The following PTPRD variants were observed in gnomAD, a reference collection of about 807,000 sequenced individuals.
PTPRD encodes the protein protein tyrosine phosphatase receptor type D, also known as receptor-type tyrosine-protein phosphatase delta.
Under a neutral mutation model 214.5 loss-of-function variants are expected in PTPRD, and 34 were observed. That is an observed-to-expected ratio of 0.16 (90% CI 0.12 to 0.21). PTPRD has a LOEUF of 0.21. Ranked by LOEUF, PTPRD falls within the 10% of genes least tolerant of loss-of-function variation. PTPRD has a pLI of 1.00. For synonymous variants in PTPRD, 1,128 were observed against 845.7 expected (o/e 1.33, Z -5.79); for missense variants, 2,545 against 2,398.7 (o/e 1.06, Z -1.27).
At chr9:10,207,823 G>C (rs532519) in intron 3 of PTPRD, among the ~76,000 whole-genome samples, 22,185 of 151,676 alleles carry the variant, frequency 0.15, 1,960 homozygotes, top group East Asian at 0.42. Context: ...CTATTAAAAA[G>C]TGTTATATCT....
chr9:10,056,379 A>G (rs1379337175), intron 3 of PTPRD, among the ~76,000 whole-genome samples: 1 of 151,904 alleles, frequency 6.6e-6, no homozygotes. Flanking sequence ...ACCTTTCTTC[A>G]GGTGCAAAAA....
intron 3 of PTPRD, among the ~76,000 whole-genome samples, chr9:10,133,624 A>C (rs1368552469): frequency 6.6e-6 from 1 of 152,134 alleles, no homozygotes; most frequent in Admixed American, 6.5e-5. Flanking sequence ...TATGAAATAT[A>C]ACTATAAGTC....
intron 16 of PTPRD, 71 bp downstream of exon 16, chr9:8,527,274 T>C: frequency 8.9e-7 from 1 of 1,124,994 alleles, no homozygotes; most frequent in South Asian, 1.5e-5. Context: ...TGCATTTTAT[T>C]AATAATAATA....
chr9:9,665,697 T>A (rs1209641533), intron 7 of PTPRD, among the ~76,000 whole-genome samples: 3 of 151,818 alleles, frequency 2.0e-5, no homozygotes, highest in African/African-American at 7.2e-5. Context: ...TATTTGAATT[T>A]ATTTATATCC....
At chr9:10,319,756 A>G (rs2096519427) in intron 3 of PTPRD, among the ~76,000 whole-genome samples, 1 of 152,026 alleles carries the variant, frequency 6.6e-6, no homozygotes, top group Admixed American at 6.6e-5. Flanking sequence ...AATTTATAGC[A>G]ATAAAGAGTA....
intron 20 of PTPRD, among the ~76,000 whole-genome samples, chr9:8,520,268 C>G (rs1272086233): frequency 6.6e-6 from 1 of 152,082 alleles, no homozygotes; most frequent in Non-Finnish European, 1.5e-5. Context: ...CACAATATAA[C>G]ATTATTTCAC....
intron 30 of PTPRD, among the ~76,000 whole-genome samples, chr9:8,480,945 C>G (rs1388741187): frequency 6.6e-6 from 1 of 151,908 alleles, no homozygotes; most frequent in Non-Finnish European, 1.5e-5. Flanking sequence ...CGAGACCAAC[C>G]TGGCTAACAT....
intron 4 of PTPRD, among the ~76,000 whole-genome samples, chr9:9,951,231 A>C (rs889840520): frequency 2.0e-5 from 3 of 151,860 alleles, no homozygotes; most frequent in African/African-American, 7.2e-5. Context: ...AAAAGTGATA[A>C]GTCTTGGGGC....
chr9:10,361,106 A>AAAAC (rs2097379285), intron 2 of PTPRD, among the ~76,000 whole-genome samples: 1 of 152,182 alleles, frequency 6.6e-6, no homozygotes. Flanking sequence ...TCTCAAAAAC[A>AAAAC]AAACAAACAA....
chr9:9,403,862 G>A (rs1485923045), intron 8 of PTPRD, among the ~76,000 whole-genome samples: 2 of 152,022 alleles, frequency 1.3e-5, no homozygotes, highest in East Asian at 1.9e-4. Context: ...AACAAATAAA[G>A]GAATAAGATA....
At chr9:9,702,060 C>A (rs1017392180) in intron 7 of PTPRD, among the ~76,000 whole-genome samples, 2 of 151,986 alleles carry the variant, frequency 1.3e-5, no homozygotes, top group Admixed American at 6.6e-5. Context: ...GCAGAGGTTG[C>A]AGTGAGCCGA....
chr9:10,054,970 C>T (rs559149651), intron 3 of PTPRD, among the ~76,000 whole-genome samples: 3 of 151,470 alleles, frequency 2.0e-5, no homozygotes, highest in African/African-American at 2.4e-5. Flanking sequence ...TCATGGGATT[C>T]GTGTCCATAT....
chr9:9,099,675 T>C (rs2099788611), intron 10 of PTPRD, among the ~76,000 whole-genome samples: 1 of 152,184 alleles, frequency 6.6e-6, no homozygotes, highest in Non-Finnish European at 1.5e-5. Flanking sequence ...TATTCCATAC[T>C]AGGAAACTAC....
chr9:8,315,542 C>G lies in PTPRD; in HGVS notation c.*2332G>C, dbSNP rs761807121. 5.6e-5 allele frequency: 13 copies of G among 231,470 alleles called. No homozygotes were observed. The highest frequency in any genetic ancestry group is 1.1e-4 in the Non-Finnish European group (13 of 116,610). 14.3% of individuals were successfully genotyped at this position (231,470 alleles called of 1,614,324 possible). A position where few individuals can be genotyped will look rare whatever the true frequency, so the allele number is the denominator to read the frequency against. Reference sequence around the variant, plus strand: ...ACAAACTAAAAGAAAATAATGATAACAGACCCACATAGTGCACATTCTTCT... The same window carrying G: ...ACAAACTAAAAGAAAATAATGATAAGAGACCCACATAGTGCACATTCTTCT... On this transcript the variant is annotated 3_prime_UTR_variant, in exon 46 of 46. Coordinates refer to ENST00000381196, the MANE Select transcript of PTPRD (RefSeq NM_002839.4).
At chr9:10,124,557 C>G (rs1357202741) in intron 3 of PTPRD, among the ~76,000 whole-genome samples, 3 of 152,128 alleles carry the variant, frequency 2.0e-5, no homozygotes, top group African/African-American at 7.2e-5. Context: ...TAGGTCTTAG[C>G]CCTTCCTTAG....
chr9:8,634,665 A>C (rs1273255810), intron 13 of PTPRD, among the ~76,000 whole-genome samples: 1 of 152,044 alleles, frequency 6.6e-6, no homozygotes, highest in Non-Finnish European at 1.5e-5. Flanking sequence ...GAAAAGTTTC[A>C]TAGTTTCATA....
chr9:10,060,310 G>T (rs2154166837), intron 3 of PTPRD, among the ~76,000 whole-genome samples: 1 of 152,018 alleles, frequency 6.6e-6, no homozygotes, highest in Middle Eastern at 3.4e-3. Flanking sequence ...AAAAGAATGG[G>T]GAGAAAGAAA....
intron 7 of PTPRD, among the ~76,000 whole-genome samples, chr9:9,710,061 G>C (rs1272582878): frequency 6.6e-6 from 1 of 151,728 alleles, no homozygotes; most frequent in African/African-American, 2.4e-5. Context: ...AAAAAAAATA[G>C]AATAGGTCTC....
chr9:9,303,740 T>C (rs1956236823), intron 9 of PTPRD, among the ~76,000 whole-genome samples: 1 of 152,120 alleles, frequency 6.6e-6, no homozygotes, highest in South Asian at 2.1e-4. Flanking sequence ...GAGGGAATCC[T>C]AAAGTGAACC....
Sources: allele counts gnomAD v4.1 joint callset (sites outside exome capture counted in the v4.1 genomes callset), GRCh38; gene constraint gnomAD v4.1.1; transcripts MANE v1.5; gene names NCBI Gene and HGNC (gene_info 2026-07-23, HGNC 2026-07-21).